IGSF10: variants seen among roughly 807,000 people sequenced by gnomAD.
IGSF10 encodes the protein immunoglobulin superfamily member 10.
Under a neutral mutation model 128.2 loss-of-function variants are expected in IGSF10, and 126 were observed. That is an observed-to-expected ratio of 0.98 (90% CI 0.85 to 1.14). The LOEUF is 1.14. Among genes scored for constraint, IGSF10 ranks in the 50% most tolerant of loss-of-function variants. The pLI, the probability that IGSF10 is intolerant of heterozygous loss-of-function variation, is 0.00. For missense variants in IGSF10, 3,295 were observed against 3,149.8 expected (o/e 1.05, Z -1.10); for synonymous variants, 1,185 against 1,146.2 (o/e 1.03, Z -0.68).
the IGSF10 span, among the ~76,000 whole-genome samples, chr3:151,536,576 C>A: frequency 6.6e-6 from 1 of 152,166 alleles, no homozygotes; most frequent in South Asian, 2.1e-4. Flanking sequence ...GCTTAAGTTT[C>A]ATTAGCATTG....
In IGSF10 at chr3:151,436,406, G is replaced by A. The variant is rs751880190; in HGVS notation, c.*283C>T. ...TTTACTGAAAAATTCAGGTACATTAGCCATTTGTTATTTTATAGTGAACCG... is the reference window on the plus strand; with the variant it reads ...TTTACTGAAAAATTCAGGTACATTAACCATTTGTTATTTTATAGTGAACCG... On this transcript the variant is annotated 3_prime_UTR_variant, in exon 8 of 8. Coordinates refer to ENST00000282466, the MANE Select transcript of IGSF10 (RefSeq NM_178822.5). The A allele has an allele frequency of 4.6e-5, 12 of 260,098 alleles. No homozygotes were observed. Among genetic ancestry groups the A allele is most frequent in the African/African-American group, 1.6e-4 (7 of 44,090 alleles). The allele number at this position is 260,098 out of a possible 1,614,324, so 16.1% of individuals were successfully genotyped here.
chr3:151,541,613 T>TTC, the IGSF10 span, among the ~76,000 whole-genome samples: 1 of 152,098 alleles, frequency 6.6e-6, no homozygotes, highest in African/African-American at 2.4e-5. Flanking sequence ...ATAAATTGGC[T>TTC]TCTCTCTCTC....
chr3:151,493,130 A>T, the IGSF10 span, among the ~76,000 whole-genome samples: 2 of 152,186 alleles, frequency 1.3e-5, no homozygotes, highest in African/African-American at 4.8e-5. Context: ...AAAAGGTTAA[A>T]TAGAATGAAA....
At chr3:151,450,895 CAAAAAAAAAAAAAA>C (rs35070766) in intron 5 of IGSF10, among the ~76,000 whole-genome samples, 1 of 55,424 alleles carries the variant, frequency 1.8e-5, no homozygotes, top group African/African-American at 8.0e-5. Flanking sequence ...AACTCTGTCT[CAAAAAAAAAAAAAA>C]AAAAAAAAAG....
the IGSF10 span, among the ~76,000 whole-genome samples, chr3:151,595,378 A>G: frequency 6.6e-6 from 1 of 152,098 alleles, no homozygotes; most frequent in African/African-American, 2.4e-5. Flanking sequence ...CTAAGTGTCC[A>G]TTGATGGCTG....
chr3:151,452,381 T>C (rs1721552750), intron 5 of IGSF10, among the ~76,000 whole-genome samples: 1 of 152,238 alleles, frequency 6.6e-6, no homozygotes, highest in African/African-American at 2.4e-5. Context: ...AGTGTATTAC[T>C]CTACTGAATA....
At chr3:151,523,321 A>G in the IGSF10 span, among the ~76,000 whole-genome samples, 1 of 152,198 alleles carries the variant, frequency 6.6e-6, no homozygotes, top group African/African-American at 2.4e-5. Context: ...AACTATTTTA[A>G]AATTCATATG....
chr3:151,460,973 G>A lies in IGSF10; in HGVS notation c.-116C>T. 1 of 985,360 alleles carries A rather than the reference G, an allele frequency of 1.0e-6. No individual in the cohort carries two copies. Among genetic ancestry groups the A allele is most frequent in the African/African-American group, 1.7e-5 (1 of 57,346 alleles). The allele number at this position is 985,360 out of a possible 1,614,324, so 61.0% of individuals were successfully genotyped here. A position where few individuals can be genotyped will look rare whatever the true frequency, so the allele number is the denominator to read the frequency against. On this transcript the variant is annotated 5_prime_UTR_variant, in exon 1 of 8. Coordinates refer to ENST00000282466, the MANE Select transcript of IGSF10 (RefSeq NM_178822.5). ...GTTTGCCCTGGTGACCAATGGGCTC[G>A]AGCTGCCCGGGCTAGGTCCCGGGCT...
At chr3:151,497,348 T>G in the IGSF10 span, among the ~76,000 whole-genome samples, 1 of 152,226 alleles carries the variant, frequency 6.6e-6, no homozygotes, top group African/African-American at 2.4e-5. Context: ...GAATTAATTT[T>G]AGTATAAGGT....
the IGSF10 span, among the ~76,000 whole-genome samples, chr3:151,545,910 G>A: frequency 2.0e-5 from 3 of 152,096 alleles, no homozygotes; most frequent in Non-Finnish European, 1.5e-5. Flanking sequence ...TAGTGCAGGG[G>A]TTAACAAATT....
intron 2 of IGSF10, 24 bp from the exon 3 acceptor site, chr3:151,458,734 G>C (rs758000687): frequency 6.3e-7 from 1 of 1,592,546 alleles, no homozygotes; most frequent in Non-Finnish European, 8.6e-7. Flanking sequence ...ATACCTCAGA[G>C]TTATAAAGAG....
At chr3:151,503,831 G>C in the IGSF10 span, among the ~76,000 whole-genome samples, 11 of 152,016 alleles carry the variant, frequency 7.2e-5, no homozygotes, top group Non-Finnish European at 1.2e-4. Flanking sequence ...AGTGCTGCTT[G>C]GTTAGATAGG....
Position 151,438,089 on chromosome 3 carries a change from T to A in IGSF10, c.6472A>T (p.Thr2158Ser). 1 of 1,614,238 alleles carries A rather than the reference T, an allele frequency of 6.2e-7. No individual in the cohort carries two copies. The highest frequency in any genetic ancestry group is 1.1e-5 in the South Asian group (1 of 91,086). ...GTGACCTCACAGTCAAGGACAGCTG[T>A]GTCTCCAGCTTTGATTCTCTTGTTG... ...KTNKRIKAGD[T>S]AVLDCEVTGD... Residue 2158 changes from threonine (T) to serine (S), a missense_variant, in exon 8 of 8, where the codon ACA (threonine) becomes TCA (serine). Thr to Ser is a moderately conservative substitution (Grantham distance 58). Transcript: ENST00000282466.
the IGSF10 span, among the ~76,000 whole-genome samples, chr3:151,580,851 T>C: frequency 7.9e-5 from 12 of 152,232 alleles, no homozygotes; most frequent in Non-Finnish European, 1.6e-4. Context: ...TTCACTTGTT[T>C]ATAACCAGAC....
chr3:151,444,332 A>T (rs1045514951), intron 6 of IGSF10, among the ~76,000 whole-genome samples: 1 of 152,016 alleles, frequency 6.6e-6, no homozygotes, highest in Non-Finnish European at 1.5e-5. Context: ...TTATTGAGAG[A>T]GTTTCACTCT....
At chr3:151,528,212 C>G in the IGSF10 span, among the ~76,000 whole-genome samples, 1 of 152,158 alleles carries the variant, frequency 6.6e-6, no homozygotes, top group Non-Finnish European at 1.5e-5. Flanking sequence ...ATAATAGACT[C>G]TCAGAAATGT....
the IGSF10 span, among the ~76,000 whole-genome samples, chr3:151,529,726 G>T: frequency 6.6e-6 from 1 of 152,082 alleles, no homozygotes; most frequent in Non-Finnish European, 1.5e-5. Flanking sequence ...AAAGACCAAA[G>T]GTAGATAATT....
At chr3:151,618,775 A>C in the IGSF10 span, among the ~76,000 whole-genome samples, 2 of 150,000 alleles carry the variant, frequency 1.3e-5, no homozygotes, top group Non-Finnish European at 3.0e-5. Context: ...AAATTAAAAA[A>C]TTAAAAATAA....
At chr3:151,534,801 A>ATATGTGTGTGTGTGTGTG in the IGSF10 span, among the ~76,000 whole-genome samples, 2 of 149,078 alleles carry the variant, frequency 1.3e-5, no homozygotes, top group African/African-American at 5.0e-5. Context: ...TTTAAAGTGT[A>ATATGTGTGTGTGTGTGTG]TGTGTGTGTG....
Sources: gnomAD v4.1 joint callset for allele counts (sites outside exome capture counted in the v4.1 genomes callset) on GRCh38, gnomAD v4.1.1 for gene constraint, MANE v1.5 for transcripts, NCBI Gene and HGNC (gene_info 2026-07-23, HGNC 2026-07-21) for gene names.